The following ZSWIM6 variants were observed in gnomAD, a reference collection of about 807,000 sequenced individuals.
The protein encoded by ZSWIM6 is zinc finger SWIM domain-containing protein 6.
In ZSWIM6, 9 loss-of-function variants were observed where a neutral mutation model predicts 113.2. That is an observed-to-expected ratio of 0.08 (90% CI 0.05 to 0.14). The LOEUF is 0.14. ZSWIM6 is among the 10% of genes least tolerant of loss of function. ZSWIM6 has a pLI of 1.00. For synonymous variants in ZSWIM6, 611 were observed against 606.5 expected (o/e 1.01, Z -0.11); for missense variants, 1,162 against 1,552.2 (o/e 0.75, Z 4.22).
At chr5:61,444,202 G>GT (rs1746898709) in intron 1 of ZSWIM6, among the ~76,000 whole-genome samples, 1 of 148,870 alleles carries the variant, frequency 6.7e-6, no homozygotes, top group Non-Finnish European at 1.5e-5. Context: ...GCAGTGTTTG[G>GT]TTTTTTGTCC....
At chr5:61,490,251 C>T (rs902802266) in intron 2 of ZSWIM6, among the ~76,000 whole-genome samples, 1 of 152,026 alleles carries the variant, frequency 6.6e-6, no homozygotes, top group African/African-American at 2.4e-5. Context: ...ACAACAGCTG[C>T]ACTGCCTGTT....
At chr5:61,402,142 A>G (rs1335959782) in intron 1 of ZSWIM6, among the ~76,000 whole-genome samples, 1 of 152,200 alleles carries the variant, frequency 6.6e-6, no homozygotes, top group African/African-American at 2.4e-5. Flanking sequence ...TGGAACATGT[A>G]CATCCTGAGT....
At chr5:61,385,130 C>T (rs551255849) in intron 1 of ZSWIM6, among the ~76,000 whole-genome samples, 1 of 152,190 alleles carries the variant, frequency 6.6e-6, no homozygotes, top group Non-Finnish European at 1.5e-5. Context: ...CCCCTTCCAT[C>T]TCTAAGGTGC....
chr5:61,358,774 G>A (rs1321940252), intron 1 of ZSWIM6, among the ~76,000 whole-genome samples: 1 of 152,172 alleles, frequency 6.6e-6, no homozygotes, highest in African/African-American at 2.4e-5. Flanking sequence ...TGTTGTTTTG[G>A]TTTAAGGTGC....
At chr5:61,500,982 G>C (rs1322238710) in intron 4 of ZSWIM6, among the ~76,000 whole-genome samples, 2 of 152,092 alleles carry the variant, frequency 1.3e-5, no homozygotes, top group African/African-American at 2.4e-5. Flanking sequence ...TGCTGGGATG[G>C]GGTTGTATAC....
chr5:61,351,077 C>G (rs1744773406), intron 1 of ZSWIM6, among the ~76,000 whole-genome samples: 1 of 152,168 alleles, frequency 6.6e-6, no homozygotes, highest in South Asian at 2.1e-4. Flanking sequence ...ACAAATTTCT[C>G]TATCCACAGA....
chr5:61,334,074 C>A (rs915706314), intron 1 of ZSWIM6, among the ~76,000 whole-genome samples: 1 of 152,214 alleles, frequency 6.6e-6, no homozygotes, highest in African/African-American at 2.4e-5. Context: ...AAAAGAGTCT[C>A]TTTCTTTTCA....
At chr5:61,502,348 A>T (rs925506150) in intron 4 of ZSWIM6, among the ~76,000 whole-genome samples, 4 of 152,102 alleles carry the variant, frequency 2.6e-5, no homozygotes, top group African/African-American at 9.7e-5. Flanking sequence ...CATGATGGGG[A>T]GGAAAACCCA....
rs368878257 is a variant in ZSWIM6 at position 61,494,248 on chromosome 5, T to C, written c.1183-12T>C. 1,858 of 1,548,950 alleles carry C rather than the reference T, an allele frequency of 1.2e-3. 1 individual carries two copies. Among genetic ancestry groups the C allele is most frequent in the Non-Finnish European group, 1.5e-3 (1,764 of 1,145,050 alleles). On this transcript the variant is annotated splice_polypyrimidine_tract_variant and intron_variant, in intron 3 of 13. Coordinates refer to ENST00000252744, the MANE Select transcript of ZSWIM6 (RefSeq NM_020928.2). ...TTGAACAATTTTCTAAAGGTCTGTT[T>C]TTCCCCATTAGGTGCGGGAGATGTT...
At chr5:61,485,104 A>G (rs1263717245) in intron 2 of ZSWIM6, among the ~76,000 whole-genome samples, 1 of 152,102 alleles carries the variant, frequency 6.6e-6, no homozygotes, top group African/African-American at 2.4e-5. Flanking sequence ...CCTTCCTCGC[A>G]GTACTTGATC....
intron 1 of ZSWIM6, among the ~76,000 whole-genome samples, chr5:61,414,252 G>T (rs553773830): frequency 6.6e-5 from 10 of 152,176 alleles, no homozygotes; most frequent in African/African-American, 2.2e-4. Context: ...ATGGAGAGAA[G>T]TGGACATATC....
chr5:61,349,972 T>G (rs1744747140), intron 1 of ZSWIM6, among the ~76,000 whole-genome samples: 1 of 152,206 alleles, frequency 6.6e-6, no homozygotes, highest in Admixed American at 6.5e-5. Flanking sequence ...ACTGTCTAAT[T>G]AATAGGAATG....
At chr5:61,352,355 A>G (rs1744805112) in intron 1 of ZSWIM6, among the ~76,000 whole-genome samples, 2 of 152,220 alleles carry the variant, frequency 1.3e-5, no homozygotes, top group South Asian at 4.1e-4. Flanking sequence ...GTGAATATGT[A>G]TATGTACATC....
At chr5:61,367,968 A>T (rs1158475158) in intron 1 of ZSWIM6, among the ~76,000 whole-genome samples, 1 of 152,076 alleles carries the variant, frequency 6.6e-6, no homozygotes, top group African/African-American at 2.4e-5. Flanking sequence ...ACAAAAAATT[A>T]AAAAAATAAT....
intron 1 of ZSWIM6, among the ~76,000 whole-genome samples, chr5:61,355,862 C>G (rs1034849651): frequency 6.6e-6 from 1 of 152,028 alleles, no homozygotes; most frequent in Non-Finnish European, 1.5e-5. Flanking sequence ...TTAATTTAGC[C>G]TGTTTATTTT....
chr5:61,403,715 T>G (rs1292841673), intron 1 of ZSWIM6, among the ~76,000 whole-genome samples: 1 of 152,216 alleles, frequency 6.6e-6, no homozygotes, highest in Non-Finnish European at 1.5e-5. Flanking sequence ...TACAAAATAA[T>G]GTATGCTTAG....
chr5:61,469,203 T>C (rs1282859557), intron 1 of ZSWIM6, among the ~76,000 whole-genome samples: 1 of 152,244 alleles, frequency 6.6e-6, no homozygotes, highest in Non-Finnish European at 1.5e-5. Context: ...AATACTGCCA[T>C]CTGCAGTTAT....
At chr5:61,535,429 A>G in intron 9 of ZSWIM6, 55 bp from the exon 10 acceptor site, 1 of 1,538,500 alleles carries the variant, frequency 6.5e-7, no homozygotes, top group Non-Finnish European at 8.8e-7. Flanking sequence ...ATGCTTTACA[A>G]GAAGTGTTAG....
intron 1 of ZSWIM6, among the ~76,000 whole-genome samples, chr5:61,404,719 A>G (rs992673919): frequency 6.6e-6 from 1 of 152,144 alleles, no homozygotes; most frequent in African/African-American, 2.4e-5. Context: ...TGCTCCTTTC[A>G]TGGCTCTGCC....
Sources: gnomAD v4.1 joint callset for allele counts (sites outside exome capture counted in the v4.1 genomes callset) on GRCh38, gnomAD v4.1.1 for gene constraint, MANE v1.5 for transcripts, NCBI Gene and HGNC (gene_info 2026-07-23, HGNC 2026-07-21) for gene names.